Variants in STRBP observed in about 807,000 individuals in gnomAD.
STRBP encodes spermatid perinuclear RNA binding protein.
A neutral mutation model predicts 80.1 loss-of-function variants in STRBP; 13 were observed. That is an observed-to-expected ratio of 0.16 (90% CI 0.11 to 0.26). The LOEUF (loss-of-function observed/expected upper bound fraction) is 0.26, where lower values mean the gene tolerates loss of function less well. Among genes scored for constraint, STRBP ranks in the 10% least tolerant of loss-of-function variants. The pLI, the probability that STRBP is intolerant of heterozygous loss-of-function variation, is 1.00. For synonymous variants in STRBP, 284 were observed against 291.2 expected (o/e 0.98, Z 0.25); for missense variants, 485 against 815.2 (o/e 0.59, Z 4.93).
rs759701511 is a variant in STRBP at position 123,132,834 on chromosome 9, T to C, written c.1897+11A>G. ...GTAAAGGGGGCCAATCTCTTGCAGT[T>C]TGTACTATACCTGGAGCTATGTAGC... is the stretch of plus-strand genomic sequence containing the variant. On this transcript the variant is annotated intron_variant, in intron 17 of 18. Transcript: ENST00000348403. The C allele has an allele frequency of 1.2e-6, 2 of 1,613,384 alleles. No individual in the cohort carries two copies. Among genetic ancestry groups the C allele is most frequent in the African/African-American group, 1.3e-5 (1 of 75,002 alleles).
chr9:123,204,407 T>C (rs2039438442), intron 2 of STRBP, among the ~76,000 whole-genome samples: 1 of 152,192 alleles, frequency 6.6e-6, no homozygotes, highest in Admixed American at 6.5e-5. Flanking sequence ...TATATTTGAT[T>C]TCACACAGTG....
intron 3 of STRBP, among the ~76,000 whole-genome samples, chr9:123,182,142 G>A (rs148634224): frequency 6.8e-6 from 1 of 148,126 alleles, no homozygotes; most frequent in East Asian, 2.0e-4. Context: ...TTGAACCCGG[G>A]ACACAGAGGT....
chr9:123,151,360 C>T (rs888865093), intron 11 of STRBP, among the ~76,000 whole-genome samples: 8 of 151,638 alleles, frequency 5.3e-5, no homozygotes, highest in African/African-American at 1.9e-4. Flanking sequence ...CTGACATGAC[C>T]TAACACGAAA....
At chr9:123,202,220 T>A (rs1309671493) in intron 2 of STRBP, among the ~76,000 whole-genome samples, 1 of 152,238 alleles carries the variant, frequency 6.6e-6, no homozygotes, top group African/African-American at 2.4e-5. Flanking sequence ...TGACATTCAA[T>A]GCTAATATTG....
At chr9:123,139,823 A>G in intron 13 of STRBP, 136 bp from the exon 14 acceptor site, 1 of 831,374 alleles carries the variant, frequency 1.2e-6, no homozygotes, top group Non-Finnish European at 1.9e-6. Context: ...AGATGGTACT[A>G]AATCTGTAAG....
chr9:123,180,548 C>A (rs970582563), intron 3 of STRBP, among the ~76,000 whole-genome samples: 1 of 152,098 alleles, frequency 6.6e-6, no homozygotes, highest in Non-Finnish European at 1.5e-5. Flanking sequence ...TTTTAAAGCT[C>A]ATTTGGGGAA....
At chr9:123,164,377 T>C (rs1429056942) in intron 6 of STRBP, among the ~76,000 whole-genome samples, 1 of 152,100 alleles carries the variant, frequency 6.6e-6, no homozygotes, top group East Asian at 1.9e-4. Flanking sequence ...AATCTATTAC[T>C]CAGTAACCTA....
intron 1 of STRBP, among the ~76,000 whole-genome samples, chr9:123,263,524 CAAAAAAA>C (rs775297049): frequency 4.7e-5 from 3 of 64,220 alleles, no homozygotes; most frequent in South Asian, 1.2e-3. Context: ...GACCCTGTCT[CAAAAAAA>C]AAAAAAAAAA....
intron 1 of STRBP, among the ~76,000 whole-genome samples, chr9:123,245,100 T>TA (rs1422113622): frequency 1.3e-5 from 2 of 152,220 alleles, no homozygotes; most frequent in African/African-American, 4.8e-5. Flanking sequence ...CTTGAAATGA[T>TA]AAAATTACAG....
intron 1 of STRBP, among the ~76,000 whole-genome samples, chr9:123,254,456 CAAAAAAAAAAAAA>C (rs1205708821): frequency 7.6e-5 from 5 of 65,736 alleles, no homozygotes; most frequent in East Asian, 5.7e-4. Flanking sequence ...GACTCCGTCT[CAAAAAAAAAAAAA>C]AAAAAAAAAA....
intron 2 of STRBP, among the ~76,000 whole-genome samples, chr9:123,223,847 T>C (rs1292070557): frequency 6.6e-6 from 1 of 152,180 alleles, no homozygotes; most frequent in Non-Finnish European, 1.5e-5. Flanking sequence ...TCAACATTTC[T>C]TTGCGGGATA....
At chr9:123,174,383 A>G (rs1029896087) in intron 4 of STRBP, among the ~76,000 whole-genome samples, 2 of 152,220 alleles carry the variant, frequency 1.3e-5, no homozygotes, top group Non-Finnish European at 2.9e-5. Flanking sequence ...GGCTGCACTG[A>G]ACCATGTTTG....
chr9:123,198,621 T>A (rs200767059), intron 2 of STRBP, among the ~76,000 whole-genome samples: 1 of 106,298 alleles, frequency 9.4e-6, no homozygotes. Context: ...TTATTTATTT[T>A]TGTTTTTGTT....
intron 2 of STRBP, among the ~76,000 whole-genome samples, chr9:123,220,141 T>C (rs913410157): frequency 2.6e-5 from 4 of 152,220 alleles, no homozygotes; most frequent in African/African-American, 9.6e-5. Flanking sequence ...AGCATATGGG[T>C]AAATCTAAGT....
At chr9:123,183,523 A>G (rs886779891) in intron 3 of STRBP, among the ~76,000 whole-genome samples, 4 of 151,920 alleles carry the variant, frequency 2.6e-5, no homozygotes, top group East Asian at 1.9e-4. Context: ...ATACTAAGGG[A>G]AAAAAAATCA....
intron 2 of STRBP, among the ~76,000 whole-genome samples, chr9:123,194,000 A>G (rs1428400801): frequency 1.3e-5 from 2 of 152,184 alleles, no homozygotes; most frequent in Non-Finnish European, 2.9e-5. Context: ...AAGTTTTTTT[A>G]GTTGTAAGAA....
At chr9:123,261,558 T>C (rs2041161793) in intron 1 of STRBP, among the ~76,000 whole-genome samples, 1 of 152,212 alleles carries the variant, frequency 6.6e-6, no homozygotes, top group Non-Finnish European at 1.5e-5. Context: ...CAAAAGTCAA[T>C]GTTGTATAGT....
chr9:123,202,112 C>T (rs1033602963), intron 2 of STRBP, among the ~76,000 whole-genome samples: 6 of 152,122 alleles, frequency 3.9e-5, no homozygotes. Context: ...GTTTACAGGA[C>T]TCCTTCTCTG....
At chr9:123,139,293 A>G (rs889976387) in intron 14 of STRBP, among the ~76,000 whole-genome samples, 2 of 152,320 alleles carry the variant, frequency 1.3e-5, no homozygotes, top group South Asian at 2.1e-4. Flanking sequence ...CAGTTTACAG[A>G]TATTTTTAAA....
Sources: gnomAD v4.1 joint callset for allele counts (sites outside exome capture counted in the v4.1 genomes callset) on GRCh38, gnomAD v4.1.1 for gene constraint, MANE v1.5 for transcripts, NCBI Gene and HGNC (gene_info 2026-07-23, HGNC 2026-07-21) for gene names.